The following TTN variants were observed in gnomAD, a reference collection of about 807,000 sequenced individuals.
TTN encodes the protein connectin.
A neutral mutation model predicts 3,223.0 loss-of-function variants in TTN; 1,525 were observed. The observed-to-expected ratio is 0.47, with a 90% CI of 0.45 to 0.49. The LOEUF (loss-of-function observed/expected upper bound fraction) is 0.49. Among genes scored for constraint, TTN ranks in the 20% least tolerant of loss-of-function variants. The probability of loss-of-function intolerance (pLI) is 0.00; values close to 1 mark genes in which losing one functional copy is unlikely to be tolerated. For synonymous variants in TTN, 14,094 were observed against 15,161.0 expected, an observed-to-expected ratio of 0.93 and a Z score of 5.17; for missense variants, 40,786 against 43,424.0, an observed-to-expected ratio of 0.94 and a Z score of 5.40.
intron 2 of TTN, 57 bp from the exon 3 acceptor site, chr2:178,802,398 C>T: frequency 6.4e-7 from 1 of 1,561,712 alleles, no homozygotes. Flanking sequence ...AAGTCCTCTG[C>T]TCTGTCCCAT....
chr2:178,678,624 TA>T (rs1271504810), intron 143 of TTN, 122 bp downstream of exon 143: 6 of 1,134,240 alleles, frequency 5.3e-6, no homozygotes, highest in Middle Eastern at 2.3e-4. Context: ...ATTTTATTTT[TA>T]AAATAAAATA....
rs747750236 is a variant in TTN, at chr2:178,533,073, T to C, written c.103542A>G (p.Val34514=). ...REAAVLYKPA[V]STKTVKGEFR... is the part of the protein sequence containing the mutation. Reference sequence around the variant, plus strand: ...ATTCCCCTTTTACAGTCTTGGTGCTTACAGCCGGTTTATAAAGGACAGCAG... The same window carrying C: ...ATTCCCCTTTTACAGTCTTGGTGCTCACAGCCGGTTTATAAAGGACAGCAG... Residue 34514 remains valine, a synonymous_variant, in exon 358 of 363, where the codon GTA becomes GTG. Transcript: ENST00000589042. The C allele has an allele frequency of 3.7e-6, 6 of 1,613,858 alleles. No homozygotes were observed. The highest frequency in any genetic ancestry group is 2.7e-5 in the African/African-American group (2 of 74,924).
Position 178,548,876 on chromosome 2 carries a change from A to G in TTN, c.92750T>C (p.Val30917Ala), listed in dbSNP as rs748545482. 2.3e-5 allele frequency: 37 copies of G among 1,613,630 alleles called. No homozygotes were observed. The South Asian group carries it at 3.7e-4, about 16-fold the overall frequency. The change falls in exon 339 of 363, where the codon GTT becomes GCT. Residue 30917 changes from valine to alanine, a missense_variant. Transcript: ENST00000589042. The surrounding 1 kb of genome is among the most constrained non-coding windows in gnomAD (Gnocchi z 4.3). ...SCEVTGTIKAVDRLTAPELDI... is the reference protein window; with the variant it reads ...SCEVTGTIKAADRLTAPELDI... The stretch of plus-strand genomic sequence containing the variant: ...TAACTCAGGAGCTGTTAACCGGTCA[A>G]CTGCTTTAATTGTGCCAGTCACTTC...
At chr2:178,641,212 A>T (rs1338547572) in intron 220 of TTN, 29 bp downstream of exon 220, 2 of 1,410,528 alleles carry the variant, frequency 1.4e-6, no homozygotes, top group Non-Finnish European at 1.9e-6. Context: ...TTAAAAGATA[A>T]TCTTACAAAT....
chr2:178,722,133 T>C lies in TTN; in HGVS notation c.22530A>G (p.Glu7510=). ...ASSSARLTAR[E]PKKSPFFDIK... ...TGTCAAAGAAGGGAGATTTCTTGGGTTCTGGAGGATGAGAAGAAAGGCAAT... is the reference window on the plus strand; with the variant it reads ...TGTCAAAGAAGGGAGATTTCTTGGGCTCTGGAGGATGAGAAGAAAGGCAAT... Residue 7510 remains glutamate (E), a splice_region_variant and synonymous_variant, in exon 78 of 363, where the codon GAA becomes GAG. Transcript: ENST00000589042. The C allele has an allele frequency of 6.4e-7, 1 of 1,551,040 alleles. No homozygotes were observed.
At position 178,569,743 on chromosome 2, in the gene TTN, TTTA is replaced by T. The variant is rs749648136; in HGVS notation, c.76386_76388del (p.Asn25462del). The T allele has an allele frequency of 2.1e-5, 34 of 1,613,122 alleles. No homozygotes were observed. The African/African-American group carries it at 4.5e-4, about 22-fold the overall frequency. ...ACAGCTTCTCTACTTCTATGTTTGT[TTTA>T]TTAATTCCTGTTGGTGGAGTGCACA... On this transcript the variant is annotated inframe_deletion, in exon 326 of 363. Transcript: ENST00000589042.
chr2:178,782,477 T>C lies in TTN; in HGVS notation c.3165-50A>G, dbSNP rs183352456. Reference sequence around the variant, plus strand: ...TAGCTTCCGGGTTGCAATTTGCCAATACTGGTGGGGCTGAAAGTCAAAATG... The same window carrying C: ...TAGCTTCCGGGTTGCAATTTGCCAACACTGGTGGGGCTGAAAGTCAAAATG... On this transcript the variant is annotated intron_variant, in intron 19 of 362. Coordinates refer to ENST00000589042, the MANE Select transcript of TTN (RefSeq NM_001267550.2). 2.8e-4 allele frequency: 447 copies of C among 1,613,830 alleles called. No homozygotes were observed. In the African/African-American group the frequency reaches 5.1e-3, roughly 19 times the overall value.
Position 178,757,823 on chromosome 2 carries a change from C to G in TTN, c.10397G>C (p.Ser3466Thr), listed in dbSNP as rs533542171. ...FKKEPLGQKPSFIQPLSSLRV... is the reference protein window; with the variant it reads ...FKKEPLGQKPTFIQPLSSLRV... ...GAGGCTTGACAGAGGCTGGATGAAG[C>G]TGGGCTTTTGGCCAAGGGGCTCCTT... The change falls in exon 45 of 363, where the codon AGC becomes ACC. Residue 3466 changes from serine (S) to threonine (T), a missense_variant. By Grantham distance (58) the Ser-to-Thr change is moderately conservative. Coordinates refer to ENST00000589042, the MANE Select transcript of TTN (RefSeq NM_001267550.2). The G allele has an allele frequency of 6.2e-7, 1 of 1,606,642 alleles. No individual in the cohort carries two copies. The highest frequency in any genetic ancestry group is 1.3e-5 in the African/African-American group (1 of 74,774).
rs771797161 is a variant in TTN, at chr2:178,591,728, T to C, written c.60091A>G (p.Thr20031Ala). The C allele has an allele frequency of 4.3e-6, 7 of 1,613,392 alleles. No homozygotes were observed. Among genetic ancestry groups the C allele is most frequent in the Admixed American group, 1.7e-5 (1 of 59,960 alleles). The change falls in exon 303 of 363, where the codon ACA (threonine) becomes GCA (alanine). Residue 20031 changes from threonine to alanine, a missense_variant. Transcript: ENST00000589042. ...TQDWIKFKTV[T>A]NLECVVTGLQ... is the part of the protein sequence containing the mutation. Reference sequence around the variant, plus strand: ...CCAGTAACCACACACTCTAAGTTTGTCACAGTCTTAAATTTAATCCAGTCC... The same window carrying C: ...CCAGTAACCACACACTCTAAGTTTGCCACAGTCTTAAATTTAATCCAGTCC...
Position 178,739,080 on chromosome 2 carries a change from G to T in TTN, c.14092+61C>A, listed in dbSNP as rs770963523. On this transcript the variant is annotated intron_variant, in intron 48 of 362. Coordinates refer to ENST00000589042, the MANE Select transcript of TTN (RefSeq NM_001267550.2). Reference sequence around the variant, plus strand: ...ATAAGTGAAAATTTAAGTGATGCAAGCTAAATCATTACAATCCAGTGAATG... The same window carrying T: ...ATAAGTGAAAATTTAAGTGATGCAATCTAAATCATTACAATCCAGTGAATG... The T allele has an allele frequency of 5.0e-5, 73 of 1,461,718 alleles. 1 individual carries two copies. Among genetic ancestry groups the T allele is most frequent in the Non-Finnish European group, 5.9e-5 (65 of 1,106,012 alleles). The allele number at this position is 1,461,718 out of a possible 1,614,324, so 90.5% of individuals were successfully genotyped here. A position where few individuals can be genotyped will look rare whatever the true frequency, so the allele number is the denominator to read the frequency against.
At position 178,711,268 on chromosome 2, in the gene TTN, G is replaced by T. The variant is rs2076615457; in HGVS notation, c.27968C>A (p.Ala9323Asp). 6.2e-7 allele frequency: 1 copy of T among 1,613,552 alleles called. No homozygotes were observed. Among genetic ancestry groups the T allele is most frequent in the African/African-American group, 1.3e-5 (1 of 74,882 alleles). ...TVGLPVVFDC[A>D]ISGSEPISVS... The stretch of plus-strand genomic sequence containing the variant: ...GGAGATAGGTTCTGATCCACTTATG[G>T]CACAATCAAAAACAACTGGCAGTCC... Residue 9323 changes from alanine (A) to aspartate (D), a missense_variant, in exon 97 of 363, where the codon GCC (alanine) becomes GAC (aspartate). Ala to Asp is a moderately radical substitution (Grantham distance 126, BLOSUM62 -2). Transcript: ENST00000589042.
Position 178,714,054 on chromosome 2 carries a change from T to G in TTN, c.26604A>C (p.Lys8868Asn). ...TGTATTTGTTGTCACTTGTTAGCTC[T>G]TTTCCATCCTTAAACCACTTAGTAC... The part of the protein sequence containing the change: ...ELSTKWFKDG[K>N]ELTSDNKYKI... The change falls in exon 92 of 363, where the codon AAA (lysine) becomes AAC (asparagine). Residue 8868 changes from lysine to asparagine, a missense_variant. Coordinates refer to ENST00000589042, the MANE Select transcript of TTN (RefSeq NM_001267550.2). 1 of 1,613,594 alleles carries G rather than the reference T, an allele frequency of 6.2e-7. No individual in the cohort carries two copies. The highest frequency in any genetic ancestry group is 1.1e-5 in the South Asian group (1 of 91,062).
chr2:178,749,864 T>G lies in TTN; in HGVS notation c.11311+3260A>C, dbSNP rs568690706. 28 of 1,613,150 alleles carry G rather than the reference T, an allele frequency of 1.7e-5. No individual in the cohort carries two copies. The South Asian group carries it at 3.0e-4, about 17-fold the overall frequency. Reference sequence around the variant, plus strand: ...CTGGGGCTCACCAGATATTAAACATTCAAGAATGATGGAATCCCCTTCTCT... The same window carrying G: ...CTGGGGCTCACCAGATATTAAACATGCAAGAATGATGGAATCCCCTTCTCT... On this transcript the variant is annotated intron_variant, in intron 47 of 362. Coordinates refer to ENST00000589042, the MANE Select transcript of TTN (RefSeq NM_001267550.2).
rs767167863 is a variant in TTN, at chr2:178,773,364, T to C, written c.7600A>G (p.Lys2534Glu). 4 of 1,614,008 alleles carry C rather than the reference T, an allele frequency of 2.5e-6. No individual in the cohort carries two copies. Among genetic ancestry groups the C allele is most frequent in the Admixed American group, 1.7e-5 (1 of 59,998 alleles). ...TNCNLSVEKI[K>E]IIRGLRDLTC... is the part of the protein sequence containing the mutation. ...AGGTCACGAAGACCTCTGATAATTT[T>C]AATTTCTGGGGAAAAAATAAAATAA... Residue 2534 changes from lysine to glutamate, a missense_variant, in exon 33 of 363, where the codon AAA (lysine) becomes GAA (glutamate). Lys to Glu is a moderately conservative substitution (Grantham distance 56, BLOSUM62 1). Coordinates refer to ENST00000589042, the MANE Select transcript of TTN (RefSeq NM_001267550.2).
At position 178,754,792 on chromosome 2, in the gene TTN, T is replaced by C. The variant is rs550727069; in HGVS notation, c.11254+1430A>G. ...CTCAGTTCTTGAGATATTGCCTTTG[T>C]AGGCTACGGTGACAGAATGAGAGAT... On this transcript the variant is annotated intron_variant, in intron 46 of 362. Coordinates refer to ENST00000589042, the MANE Select transcript of TTN (RefSeq NM_001267550.2). Among the ~76,000 whole-genome samples the C allele has an allele frequency of 2.0e-5, 3 of 152,344 alleles. No individual in the cohort carries two copies. In the South Asian group the frequency reaches 6.2e-4, roughly 32 times the overall value.
In TTN at chr2:178,574,529, C is replaced by T. The variant is rs763316990; in HGVS notation, c.71603G>A (p.Arg23868Gln). 6.8e-6 allele frequency: 11 copies of T among 1,613,576 alleles called. No individual in the cohort carries two copies. Among genetic ancestry groups the T allele is most frequent in the East Asian group, 2.2e-5 (1 of 44,818 alleles). The change falls in exon 326 of 363, where the codon CGA becomes CAA. Residue 23868 changes from arginine (R) to glutamine (Q), a missense_variant. Physicochemically the swap from Arg to Gln is conservative, Grantham distance 43. Transcript: ENST00000589042. The stretch of plus-strand genomic sequence containing the variant: ...CACAGTCTGCCAGAGAATACCATTT[C>T]GTTCTTTTCTTTCAACATGATATCC... ...ILGYHVERKE[R>Q]NGILWQTVSK...
chr2:178,596,029 C>T (rs569046157), intron 294 of TTN, among the ~76,000 whole-genome samples: 106 of 131,466 alleles, frequency 8.1e-4, no homozygotes, highest in Non-Finnish European at 1.4e-3. Flanking sequence ...CTCGCTCTGT[C>T]ACCCAGGCTG....
rs1279357858 is a variant in TTN at position 178,549,453 on chromosome 2, T to C, written c.92173A>G (p.Ile30725Val). Residue 30725 changes from isoleucine (I) to valine (V), a missense_variant, in exon 339 of 363, where the codon ATT (isoleucine) becomes GTT (valine). Coordinates refer to ENST00000589042, the MANE Select transcript of TTN (RefSeq NM_001267550.2). ...IQYTVPDAPG[I>V]PEPSNITGNS... ...CCTGTTATGTTGCTAGGTTCTGGAA[T>C]GCCAGGGGCATCAGGAACAGCTGTA... The C allele has an allele frequency of 2.5e-6, 4 of 1,605,774 alleles. No individual in the cohort carries two copies. Among genetic ancestry groups the C allele is most frequent in the Admixed American group, 3.4e-5 (2 of 59,388 alleles).
Position 178,771,439 on chromosome 2 carries a change from T to A in TTN, c.7888A>T (p.Thr2630Ser), listed in dbSNP as rs2091468969. Residue 2630 changes from threonine (T) to serine (S), a missense_variant, in exon 34 of 363, where the codon ACC (threonine) becomes TCC (serine). Physicochemically the swap from Thr to Ser is moderately conservative, Grantham distance 58. Coordinates refer to ENST00000589042, the MANE Select transcript of TTN (RefSeq NM_001267550.2). ...ACAGCTTCCTGGGATTCAGCTACGGTCTGATCTGTGAGTGGCTTGGAGATG... is the reference window on the plus strand; with the variant it reads ...ACAGCTTCCTGGGATTCAGCTACGGACTGATCTGTGAGTGGCTTGGAGATG... ...GAISKPLTDQ[T>S]VAESQEAVFE... The A allele has an allele frequency of 6.2e-7, 1 of 1,613,950 alleles. No individual in the cohort carries two copies. The highest frequency in any genetic ancestry group is 1.7e-4 in the Middle Eastern group (1 of 6,056).
Sources: gnomAD v4.1 joint callset for allele counts (sites outside exome capture counted in the v4.1 genomes callset) on GRCh38, gnomAD v4.1.1 for gene constraint, Gnocchi (gnomAD v3.1) non-coding constraint, MANE v1.5 for transcripts, NCBI Gene and HGNC (gene_info 2026-07-23, HGNC 2026-07-21) for gene names.